The following SLC14A2 variants were observed in gnomAD, a reference collection of about 807,000 sequenced individuals.
SLC14A2 encodes the protein urea transporter 2.
A neutral mutation model predicts 104.6 loss-of-function variants in SLC14A2; 91 were observed. The observed-to-expected ratio is 0.87, with a 90% CI of 0.73 to 1.04. The LOEUF is 1.04. Among genes scored for constraint, SLC14A2 ranks in the 50% least tolerant of loss-of-function variants. The pLI, the probability that SLC14A2 is intolerant of heterozygous loss-of-function variation, is 0.00. For missense variants in SLC14A2, 1,189 were observed against 1,156.0 expected, an observed-to-expected ratio of 1.03 and a Z score of -0.41; for synonymous variants, 476 against 466.4, an observed-to-expected ratio of 1.02 and a Z score of -0.27.
intron 1 of SLC14A2, among the ~76,000 whole-genome samples, chr18:45,621,104 G>T (rs1316685001): frequency 6.6e-6 from 1 of 152,198 alleles, no homozygotes; most frequent in Non-Finnish European, 1.5e-5. Flanking sequence ...CATATGGTTG[G>T]CTTGGAGGGA....
rs1391170769 is a variant in SLC14A2 at position 45,479,099 on chromosome 18, C to T, written c.-124-4134C>T. ...GTTGGAACTTTACTGCTTTTGGCAG[C>T]CCTTCCTCAACAAAGGTGAGGTTTG... On this transcript the variant is annotated intron_variant, in intron 1 of 20. Coordinates refer to the SLC14A2 transcript ENST00000586448. Among the ~76,000 whole-genome samples the T allele has an allele frequency of 3.3e-5, 5 of 152,260 alleles. No homozygotes were observed. The East Asian group carries it at 9.6e-4, about 29-fold the overall frequency.
At chr18:45,314,885 C>T (rs2085113568) in intron 1 of SLC14A2, among the ~76,000 whole-genome samples, 1 of 152,204 alleles carries the variant, frequency 6.6e-6, no homozygotes, top group South Asian at 2.1e-4. Context: ...AAGATACTGT[C>T]CCTGCCTTCT....
At chr18:45,184,916 G>C in the SLC14A2 span, among the ~76,000 whole-genome samples, 1 of 152,186 alleles carries the variant, frequency 6.6e-6, no homozygotes, top group Non-Finnish European at 1.5e-5. Context: ...TTCCTCTCAT[G>C]TTGGGAAAAT....
chr18:45,483,183 C>T (rs901522048), intron 1 of SLC14A2: 2 of 151,804 alleles, frequency 1.3e-5, no homozygotes, highest in Non-Finnish European at 1.5e-5. Context: ...TTTCAAGAAG[C>T]GATTTAAACC....
chr18:45,359,582 C>G (rs919882030), intron 1 of SLC14A2, among the ~76,000 whole-genome samples: 1 of 152,208 alleles, frequency 6.6e-6, no homozygotes, highest in Non-Finnish European at 1.5e-5. Flanking sequence ...AAAATCAACA[C>G]CAATCAGGGC....
chr18:45,566,144 A>C (rs2044263484), intron 2 of SLC14A2, among the ~76,000 whole-genome samples: 1 of 152,226 alleles, frequency 6.6e-6, no homozygotes, highest in Non-Finnish European at 1.5e-5. Context: ...TAGAAAATTA[A>C]GAAATAGTCA....
chr18:45,450,205 T>C (rs752230998), intron 1 of SLC14A2, among the ~76,000 whole-genome samples: 1 of 152,192 alleles, frequency 6.6e-6, no homozygotes, highest in Non-Finnish European at 1.5e-5. Flanking sequence ...CTCTGCTTGG[T>C]TGCGGAGAGG....
chr18:45,636,673 A>G lies in SLC14A2; in HGVS notation c.651-317A>G, dbSNP rs570911406. On this transcript the variant is annotated intron_variant, in intron 5 of 19. Transcript: ENST00000255226. ...GTTTAGTTTTCTTGGTTTAAAAAAC[A>G]AGGAAATATTTCCACTATTTTATAA... 6.6e-5 allele frequency among the ~76,000 whole-genome samples: 10 copies of G among 152,376 alleles called. No homozygotes were observed. The South Asian group carries it at 2.1e-3, about 32-fold the overall frequency.
At chr18:45,640,987 T>C (rs2045517561) in intron 7 of SLC14A2, among the ~76,000 whole-genome samples, 1 of 152,246 alleles carries the variant, frequency 6.6e-6, no homozygotes, top group African/African-American at 2.4e-5. Context: ...GACCTCCAAG[T>C]GAAGCCTGTG....
chr18:45,572,857 C>A (rs1416078216), intron 2 of SLC14A2, among the ~76,000 whole-genome samples: 3 of 152,114 alleles, frequency 2.0e-5, no homozygotes, highest in African/African-American at 4.8e-5. Context: ...AAAGCCTGGG[C>A]TCCCTTTATT....
chr18:45,361,907 A>AC (rs1183854980), intron 1 of SLC14A2, among the ~76,000 whole-genome samples: 2 of 152,156 alleles, frequency 1.3e-5, no homozygotes, highest in Non-Finnish European at 2.9e-5. Flanking sequence ...CCCCGGGAGC[A>AC]CCACTTGACC....
At chr18:45,644,441 A>G (rs911840051) in intron 10 of SLC14A2, 27 of 318,568 alleles carry the variant, frequency 8.5e-5, no homozygotes, top group Admixed American at 1.8e-4. Context: ...TTGTTGACTT[A>G]AAACAAAAAC....
rs2045521834 is a variant in SLC14A2 at position 45,641,191 on chromosome 18, C to T, written c.992-18C>T. Reference sequence around the variant, plus strand: ...TGTGGCCCAGAATCAGACAGAAATACCACACCTTGTCCCATAGCCCTGTCA... The same window carrying T: ...TGTGGCCCAGAATCAGACAGAAATATCACACCTTGTCCCATAGCCCTGTCA... On this transcript the variant is annotated intron_variant, in intron 7 of 19. Transcript: ENST00000255226. The T allele has an allele frequency of 1.2e-6, 2 of 1,612,610 alleles. No individual in the cohort carries two copies. The highest frequency in any genetic ancestry group is 4.5e-5 in the East Asian group (2 of 44,854).
chr18:45,280,912 T>C (rs1335124896), intron 1 of SLC14A2, among the ~76,000 whole-genome samples: 1 of 151,976 alleles, frequency 6.6e-6, no homozygotes, highest in Non-Finnish European at 1.5e-5. Flanking sequence ...TATCTTTCCT[T>C]CCTTTCTCTC....
rs1010103418 is a variant in SLC14A2 at position 45,587,960 on chromosome 18, A to T, written c.-34-36671A>T. ...ATAACTAGAACAAACAAAGTCCAAG[A>T]TTCTGCCTAGTGGTTTGGACCATAT... On this transcript the variant is annotated intron_variant, in intron 2 of 20. Coordinates refer to the SLC14A2 transcript ENST00000586448. Among the ~76,000 whole-genome samples, 3 of 152,124 alleles carry T rather than the reference A, an allele frequency of 2.0e-5. No homozygotes were observed. In the East Asian group the frequency reaches 5.8e-4, roughly 29 times the overall value.
At chr18:45,630,290 G>A (rs962960802) in intron 4 of SLC14A2, among the ~76,000 whole-genome samples, 2 of 152,100 alleles carry the variant, frequency 1.3e-5, no homozygotes, top group South Asian at 4.1e-4. Flanking sequence ...CTTCTAAGGA[G>A]CCACGAGCTC....
At chr18:45,659,014 A>C (rs2045890337) in intron 10 of SLC14A2, among the ~76,000 whole-genome samples, 1 of 152,180 alleles carries the variant, frequency 6.6e-6, no homozygotes, top group Non-Finnish European at 1.5e-5. Context: ...ATGGTCCTGA[A>C]AGGCCCCCAG....
chr18:45,209,090 A>G (rs530597399), upstream of SLC14A2, among the ~76,000 whole-genome samples: 13 of 149,040 alleles, frequency 8.7e-5, no homozygotes, highest in South Asian at 8.5e-4. Context: ...TAATCCCAGC[A>G]CTTTGGGAGG....
At chr18:45,467,158 G>T (rs1039500303) in intron 1 of SLC14A2, among the ~76,000 whole-genome samples, 2 of 152,102 alleles carry the variant, frequency 1.3e-5, no homozygotes, top group African/African-American at 4.8e-5. Context: ...CCAACAGAAA[G>T]GGATTATATT....
Sources: gnomAD v4.1 joint callset for allele counts (sites outside exome capture counted in the v4.1 genomes callset) on GRCh38, gnomAD v4.1.1 for gene constraint, MANE v1.5 for transcripts, NCBI Gene and HGNC (gene_info 2026-07-23, HGNC 2026-07-21) for gene names.